ARMC9: variants seen among roughly 807,000 people sequenced by gnomAD.
ARMC9 encodes the protein armadillo repeat containing 9, also known as lisH domain-containing protein ARMC9.
Under a neutral mutation model 107.0 loss-of-function variants are expected in ARMC9, and 94 were observed. That is an observed-to-expected ratio of 0.88 (90% confidence interval 0.74 to 1.04). The LOEUF is 1.04. ARMC9 is among the 50% of genes least tolerant of loss of function. ARMC9 has a pLI of 0.00. For missense variants in ARMC9, 942 were observed against 1,030.1 expected, an observed-to-expected ratio of 0.91 and a Z score of 1.17; for synonymous variants, 380 against 396.9, an observed-to-expected ratio of 0.96 and a Z score of 0.51.
In ARMC9 at chr2:231,370,006, T is replaced by C. The variant is rs1176432506; in HGVS notation, c.2315T>C (p.Met772Thr). 1 of 1,535,314 alleles carries C rather than the reference T, an allele frequency of 6.5e-7. No homozygotes were observed. The change falls in exon 24 of 25, where the codon ATG (methionine) becomes ACG (threonine). Residue 772 changes from methionine (M) to threonine (T), a missense_variant. Met to Thr is a moderately conservative substitution (Grantham distance 81). Coordinates refer to ENST00000611582, the MANE Select transcript of ARMC9 (RefSeq NM_001352754.2). ...CCCCGGGCCCCCTGCACTCCAGAGA[T>C]GCTGGACTGGAACCCACCCAAGGCA... ...CKPRAPCTPE[M>T]LDWNPPKAKA...
chr2:231,262,352 A>G lies in ARMC9; in HGVS notation c.1073A>G (p.Gln358Arg). The change falls in exon 12 of 25, where the codon CAA becomes CGA. Residue 358 changes from glutamine to arginine, a missense_variant. By Grantham distance (43) the Gln-to-Arg change is conservative. Transcript: ENST00000611582. The part of the protein sequence containing the change: ...HPGEQRETVL[Q>R]AYISNDLLDC... The stretch of plus-strand genomic sequence containing the variant: ...GGAGAGCAGAGGGAGACCGTTCTGC[A>G]AGCCTACATCAGCAATGACCTCTTG... 1 of 1,614,200 alleles carries G rather than the reference A, an allele frequency of 6.2e-7. No homozygotes were observed.
At chr2:231,244,056 C>G (rs10173555) in intron 9 of ARMC9, among the ~76,000 whole-genome samples, 31,017 of 152,138 alleles carry the variant, frequency 0.2, 3,337 homozygotes, top group Non-Finnish European at 0.21. Context: ...CCGTCAGGTG[C>G]TCTGTTGAGC....
At position 231,262,362 on chromosome 2, in the gene ARMC9, C is replaced by T. The variant is rs1559368838; in HGVS notation, c.1083C>T (p.Ile361=). The T allele has an allele frequency of 6.2e-7, 1 of 1,614,204 alleles. No individual in the cohort carries two copies. Residue 361 remains isoleucine (I), a synonymous_variant, in exon 12 of 25, where the codon ATC becomes ATT. Transcript: ENST00000611582. ...GGGAGACCGTTCTGCAAGCCTACAT[C>T]AGCAATGACCTCTTGGACTGTTATA... ...EQRETVLQAY[I]SNDLLDCYSH... is the part of the protein sequence containing the mutation.
At chr2:231,316,938 T>C (rs2042725289) in intron 19 of ARMC9, among the ~76,000 whole-genome samples, 1 of 151,994 alleles carries the variant, frequency 6.6e-6, no homozygotes, top group African/African-American at 2.4e-5. Flanking sequence ...GACTTTTGTA[T>C]TTTTGGTAGA....
intron 9 of ARMC9, 112 bp from the exon 10 acceptor site, chr2:231,256,474 A>C (rs1161571877): frequency 3.5e-6 from 5 of 1,440,658 alleles, no homozygotes; most frequent in Admixed American, 2.0e-5. Context: ...AAAAAAACCC[A>C]AAAAACCTAA....
intron 20 of ARMC9, among the ~76,000 whole-genome samples, chr2:231,344,453 C>A (rs776713928): frequency 6.6e-6 from 1 of 152,084 alleles, no homozygotes; most frequent in African/African-American, 2.4e-5. Context: ...GGTTTGAATT[C>A]TTTGCCCGAT....
intron 20 of ARMC9, among the ~76,000 whole-genome samples, chr2:231,334,529 G>T (rs2043955367): frequency 6.6e-6 from 1 of 152,200 alleles, no homozygotes; most frequent in Non-Finnish European, 1.5e-5. Flanking sequence ...ATCTACAAGG[G>T]TCTTTTTTCC....
intron 16 of ARMC9, among the ~76,000 whole-genome samples, chr2:231,281,515 G>GGA (rs1283856641): frequency 6.6e-6 from 1 of 152,154 alleles, no homozygotes. Context: ...TTTCGGAGAT[G>GGA]GAGAGAGGGA....
chr2:231,310,792 C>CT, intron 19 of ARMC9, among the ~76,000 whole-genome samples: 1 of 151,120 alleles, frequency 6.6e-6, no homozygotes, highest in East Asian at 2.0e-4. Context: ...GCAGTCCAAT[C>CT]TTTAAGGGGA....
At chr2:231,317,895 A>AT (rs952079052) in intron 19 of ARMC9, among the ~76,000 whole-genome samples, 1 of 151,738 alleles carries the variant, frequency 6.6e-6, no homozygotes, top group Non-Finnish European at 1.5e-5. Flanking sequence ...GATTTTCAGT[A>AT]TTTTTTTTAA....
At chr2:231,308,914 G>T (rs906071175) in intron 19 of ARMC9, among the ~76,000 whole-genome samples, 1 of 151,472 alleles carries the variant, frequency 6.6e-6, no homozygotes, top group South Asian at 2.1e-4. Flanking sequence ...TGGCCAGCTC[G>T]CTTGGCATGG....
chr2:231,299,793 T>C (rs777315751), intron 19 of ARMC9, among the ~76,000 whole-genome samples: 6 of 152,084 alleles, frequency 3.9e-5, no homozygotes, highest in Non-Finnish European at 5.9e-5. Context: ...GTTTTCATTG[T>C]TTTCTAAACC....
chr2:231,268,874 C>T (rs144213726), intron 12 of ARMC9, among the ~76,000 whole-genome samples: 3 of 151,834 alleles, frequency 2.0e-5, no homozygotes, highest in Non-Finnish European at 4.4e-5. Flanking sequence ...GCAGCCTGAG[C>T]AACATAGACC....
intron 3 of ARMC9, among the ~76,000 whole-genome samples, chr2:231,210,817 G>C (rs1231338142): frequency 6.6e-6 from 1 of 152,216 alleles, no homozygotes; most frequent in Non-Finnish European, 1.5e-5. Flanking sequence ...GTACAGTTCA[G>C]TAGTGTTAAA....
At position 231,360,739 on chromosome 2, in the gene ARMC9, T is replaced by C. The variant is rs1483451553; in HGVS notation, c.2132-15T>C. The stretch of plus-strand genomic sequence containing the variant: ...CAGAGCAGATGTGGACTGAACTTTC[T>C]CTCCTCCTCCCCAGCAGCCATCATC... On this transcript the variant is annotated splice_polypyrimidine_tract_variant and intron_variant, in intron 22 of 24. Coordinates refer to ENST00000611582, the MANE Select transcript of ARMC9 (RefSeq NM_001352754.2). This position sits in a 1 kb window ranked among gnomAD's most constrained non-coding sequence, Gnocchi z 4.7. 1.3e-6 allele frequency: 2 copies of C among 1,536,022 alleles called. No homozygotes were observed. Among genetic ancestry groups the C allele is most frequent in the Non-Finnish European group, 1.7e-6 (2 of 1,146,870 alleles).
At chr2:231,305,279 C>T (rs1399965969) in intron 19 of ARMC9, among the ~76,000 whole-genome samples, 2 of 152,228 alleles carry the variant, frequency 1.3e-5, no homozygotes, top group Non-Finnish European at 2.9e-5. Context: ...TGCTAAGGCA[C>T]CAGTGGTTTT....
intron 2 of ARMC9, among the ~76,000 whole-genome samples, chr2:231,206,574 C>CT (rs1473811590): frequency 1.3e-5 from 2 of 152,164 alleles, no homozygotes; most frequent in South Asian, 4.1e-4. Flanking sequence ...CCCTCCCAGA[C>CT]TTTTTTCTAT....
intron 21 of ARMC9, 199 bp downstream of exon 21, chr2:231,345,289 G>A: frequency 9.8e-7 from 1 of 1,020,572 alleles, no homozygotes. Context: ...TCCAGAAGGA[G>A]AAGTGGTTGG....
intron 17 of ARMC9, among the ~76,000 whole-genome samples, chr2:231,284,219 G>T (rs1467195896): frequency 6.6e-6 from 1 of 152,150 alleles, no homozygotes; most frequent in Non-Finnish European, 1.5e-5. Context: ...TGCTGAACAG[G>T]TTTGTACACT....
Sources: allele counts gnomAD v4.1 joint callset (sites outside exome capture counted in the v4.1 genomes callset), GRCh38; gene constraint gnomAD v4.1.1; non-coding constraint Gnocchi (gnomAD v3.1); transcripts MANE v1.5; gene names NCBI Gene and HGNC (gene_info 2026-07-23, HGNC 2026-07-21).